The following GSTA3 variants were observed in gnomAD, a reference collection of about 807,000 sequenced individuals.
GSTA3 encodes glutathione S-transferase alpha 3, also known as glutathione S-transferase A3.
In GSTA3, 16 loss-of-function variants were observed where a neutral mutation model predicts 23.1. The ratio of observed to expected loss-of-function variants is 0.69; its 90% CI spans 0.47 to 1.05. The LOEUF (loss-of-function observed/expected upper bound fraction) is 1.05. Among genes scored for constraint, GSTA3 ranks in the 50% least tolerant of loss-of-function variants. The probability of loss-of-function intolerance (pLI) is 0.00; values close to 1 mark genes in which losing one functional copy is unlikely to be tolerated. For missense variants in GSTA3, 319 were observed against 263.6 expected (o/e 1.21, Z -1.46); for synonymous variants, 122 against 91.0 (o/e 1.34, Z -1.94).
At chr6:52,898,528 T>C (rs925539371) in intron 5 of GSTA3, among the ~76,000 whole-genome samples, 2 of 152,218 alleles carry the variant, frequency 1.3e-5, no homozygotes, top group Admixed American at 6.5e-5. Flanking sequence ...TATTGGGGTC[T>C]AGTAAATTGA....
Position 52,896,646 on chromosome 6 carries a change from TAA to T in GSTA3, c.*158_*159del. ...CTAATGAAAAGGCTTAAATTTTAAC[TAA>T]GTTAGCAAATAGGAGTTTTTATTAT... is the stretch of plus-strand genomic sequence containing the variant. On this transcript the variant is annotated 3_prime_UTR_variant, in exon 7 of 7. Coordinates refer to ENST00000211122, the MANE Select transcript of GSTA3 (RefSeq NM_000847.5). The T allele has an allele frequency of 4.0e-6, 3 of 745,748 alleles. No individual in the cohort carries two copies. The highest frequency in any genetic ancestry group is 6.1e-6 in the Non-Finnish European group (3 of 491,148). The allele number at this position is 745,748 out of a possible 1,614,324, so 46.2% of individuals were successfully genotyped here.
chr6:52,903,787 T>C (rs1765785603), intron 2 of GSTA3, 60 bp from the exon 3 acceptor site: 1 of 923,132 alleles, frequency 1.1e-6, no homozygotes, highest in Non-Finnish European at 1.8e-6. Context: ...TACAGACTTG[T>C]GACCTTGAAT....
In GSTA3 at chr6:52,906,658, G is replaced by A. The variant is rs377030268; in HGVS notation, c.-21-803C>T. On this transcript the variant is annotated intron_variant, in intron 1 of 6. Coordinates refer to ENST00000211122, the MANE Select transcript of GSTA3 (RefSeq NM_000847.5). ...GAACAGAGCCCTTAGAAATAACGCC[G>A]CATATCTACAACTATCTGATCTTTG... 2.2e-4 allele frequency among the ~76,000 whole-genome samples: 34 copies of A among 151,812 alleles called. No individual in the cohort carries two copies. The East Asian group carries it at 3.5e-3, about 16-fold the overall frequency.
At chr6:52,897,326 AT>A in intron 6 of GSTA3, among the ~76,000 whole-genome samples, 1 of 152,248 alleles carries the variant, frequency 6.6e-6, no homozygotes, top group African/African-American at 2.4e-5. Context: ...AAGTCAAACC[AT>A]GGGACCACGT....
intron 5 of GSTA3, among the ~76,000 whole-genome samples, chr6:52,899,357 C>T (rs1054233279): frequency 6.6e-6 from 1 of 152,142 alleles, no homozygotes; most frequent in African/African-American, 2.4e-5. Context: ...TGACTCCTAA[C>T]CTGCGCTGTT....
intron 3 of GSTA3, among the ~76,000 whole-genome samples, chr6:52,903,167 C>A (rs1245048977): frequency 6.6e-6 from 1 of 151,988 alleles, no homozygotes; most frequent in Non-Finnish European, 1.5e-5. Flanking sequence ...AGAGGTCTGG[C>A]CTTTTAGCCT....
intron 3 of GSTA3, 137 bp downstream of exon 3, chr6:52,903,539 G>GT (rs1765773017): frequency 2.3e-6 from 1 of 442,000 alleles, no homozygotes; most frequent in African/African-American, 2.1e-5. Context: ...GGAGCTTGCA[G>GT]TAAGCCGAGA....
intron 1 of GSTA3, among the ~76,000 whole-genome samples, chr6:52,906,205 C>G (rs997648643): frequency 6.6e-6 from 1 of 152,188 alleles, no homozygotes; most frequent in African/African-American, 2.4e-5. Context: ...GTTCTCCCCT[C>G]AAGAGTTCCC....
intron 1 of GSTA3, among the ~76,000 whole-genome samples, chr6:52,906,492 C>A (rs549144535): frequency 7.7e-4 from 117 of 152,246 alleles, no homozygotes; most frequent in African/African-American, 2.8e-3. Flanking sequence ...CAAAAAAGAG[C>A]CCGCATCATC....
Position 52,905,873 on chromosome 6 carries a change from A to G in GSTA3, c.-21-18T>C, listed in dbSNP as rs45489497. On this transcript the variant is annotated intron_variant, in intron 1 of 6. Transcript: ENST00000211122. ...TGGTTTCTCTAAAATGAATGAATGA[A>G]TGCATGAATGGATGAATGAATGAGT... 1 of 1,184,842 alleles carries G rather than the reference A, an allele frequency of 8.4e-7. No homozygotes were observed. Among genetic ancestry groups the G allele is most frequent in the African/African-American group, 1.5e-5 (1 of 65,926 alleles). The allele number at this position is 1,184,842 out of a possible 1,614,324, so 73.4% of individuals were successfully genotyped here.
At chr6:52,908,145 T>G (rs1302092588) in intron 1 of GSTA3, among the ~76,000 whole-genome samples, 1 of 140,428 alleles carries the variant, frequency 7.1e-6, no homozygotes, top group Admixed American at 7.7e-5. Flanking sequence ...GCTAGATATC[T>G]CAAGAGCAAT....
chr6:52,900,673 G>A (rs1363768654), intron 4 of GSTA3, among the ~76,000 whole-genome samples: 1 of 152,192 alleles, frequency 6.6e-6, no homozygotes, highest in African/African-American at 2.4e-5. Flanking sequence ...TACAGTCACA[G>A]TCATGAGAGA....
rs761223280 is a variant in GSTA3 at position 52,900,070 on chromosome 6, T to A, written c.278A>T (p.Asp93Val). The A allele has an allele frequency of 6.2e-7, 1 of 1,600,338 alleles. No individual in the cohort carries two copies. Among genetic ancestry groups the A allele is most frequent in the Admixed American group, 1.8e-5 (1 of 56,436 alleles). Reference protein sequence around the residue: ...GKDIKERALIDMYTEGMADLN... With the variant: ...GKDIKERALIVMYTEGMADLN... ...ATCTGCCATACCTTCTGTATACATA[T>A]CAATTCTGAAAGACAAAAACAGCCA... Residue 93 changes from aspartate to valine, a missense_variant, in exon 5 of 7, where the codon GAT (aspartate) becomes GTT (valine). Transcript: ENST00000211122.
At chr6:52,909,564 C>G (rs1237454554) in intron 1 of GSTA3, 77 bp downstream of exon 1, 1 of 152,210 alleles carries the variant, frequency 6.6e-6, no homozygotes, top group Non-Finnish European at 1.5e-5. Context: ...CTCACACAAA[C>G]TAACACATTT....
At chr6:52,900,515 G>C (rs1317785498) in intron 4 of GSTA3, among the ~76,000 whole-genome samples, 1 of 152,022 alleles carries the variant, frequency 6.6e-6, no homozygotes, top group Non-Finnish European at 1.5e-5. Flanking sequence ...CACCCGCCTT[G>C]GCCTCCCAAA....
chr6:52,905,917 C>A, intron 1 of GSTA3, 62 bp from the exon 2 acceptor site: 1 of 748,920 alleles, frequency 1.3e-6, no homozygotes, highest in Non-Finnish European at 2.3e-6. Context: ...GCAAAATGCA[C>A]GCTAGTATAT....
intron 4 of GSTA3, 27 bp downstream of exon 4, chr6:52,902,319 G>A (rs779530905): frequency 1.2e-5 from 20 of 1,611,180 alleles, no homozygotes; most frequent in Non-Finnish European, 1.7e-5. Flanking sequence ...GTTCTCTGTG[G>A]ATGGAAGAAC....
Position 52,900,039 on chromosome 6 carries a change from A to G in GSTA3, c.309T>C (p.Asn103=), listed in dbSNP as rs1235843385. ...DMYTEGMADL[N]EMILLLPLCR... ...ATAAGGGCAGAAGAAGGATCATTTC[A>G]TTCAAATCTGCCATACCTTCTGTAT... Residue 103 remains asparagine, a synonymous_variant, in exon 5 of 7, where the codon AAT becomes AAC. Coordinates refer to ENST00000211122, the MANE Select transcript of GSTA3 (RefSeq NM_000847.5). 2 of 1,613,066 alleles carry G rather than the reference A, an allele frequency of 1.2e-6. No individual in the cohort carries two copies. The highest frequency in any genetic ancestry group is 2.2e-5 in the South Asian group (2 of 90,972).
chr6:52,903,152 C>G (rs1765752599), intron 3 of GSTA3, among the ~76,000 whole-genome samples: 1 of 152,102 alleles, frequency 6.6e-6, no homozygotes, highest in Non-Finnish European at 1.5e-5. Flanking sequence ...CTAGCAGATA[C>G]TCTGAGAGGT....
Sources: gnomAD v4.1 joint callset for allele counts (sites outside exome capture counted in the v4.1 genomes callset) on GRCh38, gnomAD v4.1.1 for gene constraint, MANE v1.5 for transcripts, NCBI Gene and HGNC (gene_info 2026-07-23, HGNC 2026-07-21) for gene names.